The following CNTNAP5 variants were observed in gnomAD, a reference collection of about 807,000 sequenced individuals.
The protein encoded by CNTNAP5 is contactin-associated protein-like 5.
In CNTNAP5, 72 loss-of-function variants were observed where a neutral mutation model predicts 150.2. The observed-to-expected ratio is 0.48, with a 90% CI of 0.40 to 0.58. The LOEUF is 0.58. Among genes scored for constraint, CNTNAP5 ranks in the 20% least tolerant of loss-of-function variants. The pLI is 0.00. For synonymous variants in CNTNAP5, 672 were observed against 619.8 expected (o/e 1.08, Z -1.25); for missense variants, 1,636 against 1,626.2 (o/e 1.01, Z -0.10).
chr2:124,357,041 A>G (rs1301277589), intron 3 of CNTNAP5, among the ~76,000 whole-genome samples: 4 of 152,118 alleles, frequency 2.6e-5, no homozygotes, highest in East Asian at 1.9e-4. Flanking sequence ...TTTGCTTTGC[A>G]TTTCTCTGAT....
intron 18 of CNTNAP5, among the ~76,000 whole-genome samples, chr2:124,796,253 G>T (rs965375213): frequency 1.3e-5 from 2 of 152,126 alleles, no homozygotes; most frequent in African/African-American, 4.8e-5. Flanking sequence ...AAAGAAAAAA[G>T]TAATATCCTG....
chr2:124,417,057 T>C (rs1390590924), intron 3 of CNTNAP5, among the ~76,000 whole-genome samples: 1 of 150,468 alleles, frequency 6.6e-6, no homozygotes, highest in African/African-American at 2.5e-5. Flanking sequence ...CCTGCCTCAG[T>C]CTCTCGGGTA....
At chr2:124,857,892 C>G (rs1677416391) in intron 19 of CNTNAP5, among the ~76,000 whole-genome samples, 1 of 151,936 alleles carries the variant, frequency 6.6e-6, no homozygotes, top group South Asian at 2.1e-4. Context: ...CTAGGCGAGA[C>G]AGTGTATAAG....
At chr2:124,291,747 G>A (rs539582171) in intron 3 of CNTNAP5, among the ~76,000 whole-genome samples, 5 of 151,760 alleles carry the variant, frequency 3.3e-5, no homozygotes, top group Admixed American at 2.0e-4. Flanking sequence ...TATCAGTCTC[G>A]GTCATACATT....
chr2:124,524,155 G>A, intron 8 of CNTNAP5, 148 bp from the exon 9 acceptor site: 1 of 618,452 alleles, frequency 1.6e-6, no homozygotes, highest in Non-Finnish European at 2.7e-6. Flanking sequence ...TGCTTTTTAT[G>A]AATCTTCCAA....
chr2:124,646,829 T>G lies in CNTNAP5; in HGVS notation c.1877-929T>G, dbSNP rs551944069. Among the ~76,000 whole-genome samples, 4 of 152,240 alleles carry G rather than the reference T, an allele frequency of 2.6e-5. No individual in the cohort carries two copies. The South Asian group carries it at 8.3e-4, about 32-fold the overall frequency. On this transcript the variant is annotated intron_variant, in intron 12 of 23. Transcript: ENST00000682447. ...TAAGCTTCAGAAAAGAGAAGGGGGCTGGGCACGCTGGCTCATGCCTGTGGT... is the reference window on the plus strand; with the variant it reads ...TAAGCTTCAGAAAAGAGAAGGGGGCGGGGCACGCTGGCTCATGCCTGTGGT...
intron 19 of CNTNAP5, among the ~76,000 whole-genome samples, chr2:124,826,533 C>T (rs1374844042): frequency 6.6e-6 from 1 of 152,090 alleles, no homozygotes; most frequent in Non-Finnish European, 1.5e-5. Context: ...CCCTCTTCTC[C>T]CCTGTCTTTT....
intron 1 of CNTNAP5, among the ~76,000 whole-genome samples, chr2:124,181,337 A>T (rs1288651470): frequency 6.6e-6 from 1 of 152,140 alleles, no homozygotes; most frequent in African/African-American, 2.4e-5. Flanking sequence ...AATTATATTG[A>T]GTAGGAGTTT....
chr2:124,234,320 T>G (rs1686694690), intron 2 of CNTNAP5, among the ~76,000 whole-genome samples: 1 of 152,166 alleles, frequency 6.6e-6, no homozygotes. Context: ...AGAGAAATTT[T>G]ACAACAGCAC....
chr2:124,677,409 G>A (rs1573541513), intron 13 of CNTNAP5, among the ~76,000 whole-genome samples: 2 of 152,342 alleles, frequency 1.3e-5, no homozygotes, highest in East Asian at 3.9e-4. Context: ...TCCACAGCAT[G>A]GAAGGGGACC....
intron 1 of CNTNAP5, among the ~76,000 whole-genome samples, chr2:124,106,143 G>A (rs138330688): frequency 1.3e-5 from 2 of 152,248 alleles, no homozygotes; most frequent in East Asian, 3.9e-4. Context: ...TGCAAGAGGT[G>A]GGGAAGTGAA....
intron 19 of CNTNAP5, among the ~76,000 whole-genome samples, chr2:124,833,198 C>T (rs55790719): frequency 0.1 from 15,791 of 152,122 alleles, 1,111 homozygotes; most frequent in Non-Finnish European, 0.16. Flanking sequence ...GCATGAACCA[C>T]GGAACCTGGA....
At chr2:124,218,346 C>T (rs140651448) in intron 1 of CNTNAP5, among the ~76,000 whole-genome samples, 175 of 152,198 alleles carry the variant, frequency 1.1e-3, no homozygotes, top group Admixed American at 2.3e-3. Context: ...TCAACGTAAG[C>T]GAGGTTGCCA....
At chr2:124,786,216 T>G (rs1471014088) in intron 17 of CNTNAP5, among the ~76,000 whole-genome samples, 1 of 150,060 alleles carries the variant, frequency 6.7e-6, no homozygotes, top group Non-Finnish European at 1.5e-5. Flanking sequence ...TGCGCTATGA[T>G]CACACCACCG....
intron 3 of CNTNAP5, among the ~76,000 whole-genome samples, chr2:124,352,580 CTCAGCTTCTGAAG>C (rs746900633): frequency 2.6e-5 from 4 of 152,192 alleles, no homozygotes; most frequent in Non-Finnish European, 4.4e-5. Flanking sequence ...CATGACATTT[CTCAGCTTCTGAAG>C]TCTGCTTTGG....
At chr2:124,287,139 A>T (rs1449874897) in intron 3 of CNTNAP5, among the ~76,000 whole-genome samples, 1 of 152,194 alleles carries the variant, frequency 6.6e-6, no homozygotes, top group African/African-American at 2.4e-5. Flanking sequence ...AGACACAGCA[A>T]TGTTAGCTAC....
rs184827925 is a variant in CNTNAP5, at chr2:124,129,343, A to G, written c.83-92362A>G. Among the ~76,000 whole-genome samples, 255 of 152,286 alleles carry G rather than the reference A, an allele frequency of 1.7e-3. 5 individuals are homozygous for G. In the South Asian group the frequency reaches 0.03, roughly 18 times the overall value. On this transcript the variant is annotated intron_variant, in intron 1 of 23. Transcript: ENST00000682447. The stretch of plus-strand genomic sequence containing the variant: ...CAGTTCTCTAAAGCCAGTGGGATGA[A>G]GAGAACTCTATGGGCTTCGAGGTTA...
intron 19 of CNTNAP5, among the ~76,000 whole-genome samples, chr2:124,811,397 G>A (rs184054703): frequency 1.8e-4 from 27 of 152,136 alleles, no homozygotes; most frequent in East Asian, 5.8e-4. Context: ...GTATTACTTC[G>A]ATAAAAAATT....
chr2:124,662,846 A>G (rs1053034330), intron 13 of CNTNAP5, among the ~76,000 whole-genome samples: 2 of 152,250 alleles, frequency 1.3e-5, no homozygotes, highest in Non-Finnish European at 2.9e-5. Flanking sequence ...ATTATTGCAT[A>G]TGATACAAAT....
Sources: allele counts gnomAD v4.1 joint callset (sites outside exome capture counted in the v4.1 genomes callset), GRCh38; gene constraint gnomAD v4.1.1; transcripts MANE v1.5; gene names NCBI Gene and HGNC (gene_info 2026-07-23, HGNC 2026-07-21).